Variants in LRP1B observed in about 807,000 individuals in gnomAD.
LRP1B encodes the protein LDL receptor related protein 1B.
LRP1B carries 217 observed loss-of-function variants against 556.6 expected under a neutral mutation model. That is an observed-to-expected ratio of 0.39 (90% CI 0.35 to 0.44). The LOEUF (loss-of-function observed/expected upper bound fraction) is 0.44. Among genes scored for constraint, LRP1B ranks in the 20% least tolerant of loss-of-function variants. The probability of loss-of-function intolerance (pLI) is 1.00; values close to 1 mark genes in which losing one functional copy is unlikely to be tolerated. For synonymous variants in LRP1B, 2,047 were observed against 1,865.8 expected, an observed-to-expected ratio of 1.10 and a Z score of -2.50; for missense variants, 5,053 against 5,620.8, an observed-to-expected ratio of 0.90 and a Z score of 3.23.
At chr2:141,412,657 C>T (rs1690897144) in intron 3 of LRP1B, among the ~76,000 whole-genome samples, 1 of 152,078 alleles carries the variant, frequency 6.6e-6, no homozygotes, top group African/African-American at 2.4e-5. Context: ...TACAATGCAA[C>T]ATATTTCCAA....
intron 20 of LRP1B, among the ~76,000 whole-genome samples, chr2:140,932,880 T>C (rs1284669196): frequency 9.8e-5 from 4 of 40,854 alleles, no homozygotes; most frequent in Non-Finnish European, 1.9e-4. Flanking sequence ...TCTCTCTCTC[T>C]CCCTATACAC....
Position 141,810,342 on chromosome 2 carries a change from G to A in LRP1B, c.142C>T (p.Gln48Ter), listed in dbSNP as rs773262249. The part of the protein sequence containing the change: ...LCHDHVTCVS[Q>*]SWLCDGDPDC... ...GGGTCCCCATCACACAGCCAGCTCTGGGAGACACAAGTCACGTGATCGTGG... is the reference window on the plus strand; with the variant it reads ...GGGTCCCCATCACACAGCCAGCTCTAGGAGACACAAGTCACGTGATCGTGG... The change falls in exon 2 of 91, where the codon CAG becomes TAG. Residue 48 changes from glutamine (Q) to a stop codon, truncating the protein, a stop_gained. Transcript: ENST00000389484. LOFTEE classifies it high-confidence loss of function. The A allele has an allele frequency of 6.8e-6, 11 of 1,612,892 alleles. No homozygotes were observed. In the Admixed American group the frequency reaches 1.5e-4, roughly 22 times the overall value.
chr2:141,557,217 T>C (rs1478402808), intron 2 of LRP1B, among the ~76,000 whole-genome samples: 1 of 151,230 alleles, frequency 6.6e-6, no homozygotes, highest in Non-Finnish European at 1.5e-5. Context: ...ACAAAAAAAC[T>C]CTACCACAAA....
chr2:141,079,357 A>G (rs936583431), intron 7 of LRP1B, among the ~76,000 whole-genome samples: 1 of 152,206 alleles, frequency 6.6e-6, no homozygotes, highest in African/African-American at 2.4e-5. Flanking sequence ...GGACCACTGA[A>G]GTAACTGTAG....
At chr2:140,771,092 T>C (rs1689295339) in intron 33 of LRP1B, 86 bp from the exon 34 acceptor site, 13 of 884,230 alleles carry the variant, frequency 1.5e-5, no homozygotes, top group East Asian at 3.0e-5. Context: ...TTGACAAATA[T>C]GTATGCTATT....
chr2:141,633,454 A>C (rs1043292815), intron 2 of LRP1B, among the ~76,000 whole-genome samples: 1 of 152,126 alleles, frequency 6.6e-6, no homozygotes, highest in Non-Finnish European at 1.5e-5. Flanking sequence ...TCTAGCATTC[A>C]GCATAGAAAA....
chr2:141,510,235 C>CACA (rs1553524080), intron 2 of LRP1B, among the ~76,000 whole-genome samples: 2 of 143,102 alleles, frequency 1.4e-5, no homozygotes, highest in East Asian at 2.1e-4. Context: ...CACACACACA[C>CACA]CCCCCACAGT....
intron 32 of LRP1B, among the ~76,000 whole-genome samples, chr2:140,811,790 T>A (rs766327869): frequency 7.9e-5 from 12 of 152,122 alleles, no homozygotes; most frequent in Non-Finnish European, 4.4e-5. Context: ...TATGAAACAA[T>A]TGTCAATAAA....
intron 35 of LRP1B, among the ~76,000 whole-genome samples, chr2:140,751,347 T>C (rs78946786): frequency 0.14 from 21,075 of 152,152 alleles, 1,835 homozygotes; most frequent in Non-Finnish European, 0.2. Context: ...CCATAAAATA[T>C]ATATAAATGG....
rs571893169 is a variant in LRP1B, at chr2:141,120,501, A to G, written c.1014-58228T>C. Among the ~76,000 whole-genome samples, 7 of 152,106 alleles carry G rather than the reference A, an allele frequency of 4.6e-5. No individual in the cohort carries two copies. The East Asian group carries it at 1.2e-3, about 25-fold the overall frequency. On this transcript the variant is annotated intron_variant, in intron 7 of 90. Coordinates refer to ENST00000389484, the MANE Select transcript of LRP1B (RefSeq NM_018557.3). ...AAGGCAATTTCAATGCAAAAATTCT[A>G]TCTCAGATATATTATGATTATATCA...
intron 32 of LRP1B, among the ~76,000 whole-genome samples, chr2:140,787,462 T>A (rs1689945391): frequency 6.6e-6 from 1 of 152,032 alleles, no homozygotes; most frequent in Non-Finnish European, 1.5e-5. Context: ...CCTGATCCCT[T>A]ATGGGTTTGT....
intron 4 of LRP1B, among the ~76,000 whole-genome samples, chr2:141,253,699 A>G (rs151150028): frequency 3.3e-5 from 5 of 152,292 alleles, no homozygotes; most frequent in African/African-American, 9.6e-5. Flanking sequence ...TGAAGTAATC[A>G]GCAAAGCACT....
At chr2:141,830,049 T>G (rs1697063018) in intron 1 of LRP1B, among the ~76,000 whole-genome samples, 1 of 151,942 alleles carries the variant, frequency 6.6e-6, no homozygotes, top group Admixed American at 6.6e-5. Context: ...TAGGTAATTA[T>G]GTGCAGAGAA....
rs1683053927 is a variant in LRP1B at position 140,372,874 on chromosome 2, AG to A, written c.10768+133del. ...AGCACACACTAATTAATTTATCCAC[AG>A]ATTTGCAGACCCTTTCTTAAAAATG... is the stretch of plus-strand genomic sequence containing the variant. On this transcript the variant is annotated intron_variant, in intron 69 of 90. Transcript: ENST00000389484. The A allele has an allele frequency of 6.7e-6, 6 of 895,518 alleles. No individual in the cohort carries two copies. In the South Asian group the frequency reaches 8.9e-5, roughly 13 times the overall value. 55.5% of individuals were successfully genotyped at this position (895,518 alleles called of 1,614,324 possible).
At chr2:141,065,675 T>G (rs1357161698) in intron 7 of LRP1B, among the ~76,000 whole-genome samples, 1 of 151,920 alleles carries the variant, frequency 6.6e-6, no homozygotes, top group Non-Finnish European at 1.5e-5. Context: ...TTACCACCCC[T>G]AGGGCTTAGA....
At chr2:141,547,007 G>C (rs561473086) in intron 2 of LRP1B, among the ~76,000 whole-genome samples, 2 of 152,102 alleles carry the variant, frequency 1.3e-5, no homozygotes, top group South Asian at 2.1e-4. Context: ...TTTTCCTAAT[G>C]GTTCCCAAAT....
At chr2:140,869,640 T>C (rs1400898421) in intron 25 of LRP1B, among the ~76,000 whole-genome samples, 2 of 151,954 alleles carry the variant, frequency 1.3e-5, no homozygotes, top group Non-Finnish European at 2.9e-5. Context: ...AGAAGTGAAT[T>C]GATTCAAAAT....
chr2:141,031,223 G>A (rs1698358914), intron 11 of LRP1B, among the ~76,000 whole-genome samples: 1 of 149,046 alleles, frequency 6.7e-6, no homozygotes, highest in Non-Finnish European at 1.5e-5. Context: ...TTTTCTGGAG[G>A]AGCTATATAT....
Position 141,840,257 on chromosome 2 carries a change from C to CTTT in LRP1B, c.83-29859_83-29857dup, listed in dbSNP as rs565362139. 9.7e-3 allele frequency among the ~76,000 whole-genome samples: 820 copies of CTTT among 84,174 alleles called. 3 individuals carry two copies. The highest frequency in any genetic ancestry group is 0.012 in the African/African-American group (249 of 20,886). The allele number at this position is 84,174 out of a possible 152,430, so 55.2% of individuals were successfully genotyped here. A position where few individuals can be genotyped will look rare whatever the true frequency, so the allele number is the denominator to read the frequency against. ...AGGTCATCGTATTAGAACAAATTTC[C>CTTT]TTTTTTTTTTTTTTTTTTTTTTTTG... On this transcript the variant is annotated intron_variant, in intron 1 of 90. Transcript: ENST00000389484.
Sources: allele counts gnomAD v4.1 joint callset (sites outside exome capture counted in the v4.1 genomes callset), GRCh38; gene constraint gnomAD v4.1.1; transcripts MANE v1.5; gene names NCBI Gene and HGNC (gene_info 2026-07-23, HGNC 2026-07-21).